NLRP14: variants seen among roughly 807,000 people sequenced by gnomAD.
NLRP14 encodes NACHT, LRR and PYD domains-containing protein 14.
In NLRP14, 105 loss-of-function variants were observed where a neutral mutation model predicts 94.7. That is an observed-to-expected ratio of 1.11 (90% CI 0.95 to 1.30). The LOEUF (loss-of-function observed/expected upper bound fraction) is 1.30, where lower values mean the gene tolerates loss of function less well. Ranked by LOEUF, NLRP14 falls within the 50% of genes most tolerant of loss-of-function variation. The probability of loss-of-function intolerance (pLI) is 0.00; values close to 1 mark genes in which losing one functional copy is unlikely to be tolerated. For synonymous variants in NLRP14, 508 were observed against 459.9 expected (o/e 1.10, Z -1.34); for missense variants, 1,362 against 1,254.1 (o/e 1.09, Z -1.30).
chr11:7,089,055 G>T, the NLRP14 span: 105 of 1,554,810 alleles, frequency 6.8e-5, no homozygotes, highest in Non-Finnish European at 9.1e-5. Context: ...GAGCGAGCTC[G>T]AAGGCTGCGA....
chr11:7,021,955 A>G (rs948507189), intron 1 of NLRP14, among the ~76,000 whole-genome samples: 4 of 146,570 alleles, frequency 2.7e-5, no homozygotes, highest in Non-Finnish European at 1.5e-5. Context: ...AAATTAAAAG[A>G]AAAAAAAAAA....
intron 1 of NLRP14, among the ~76,000 whole-genome samples, chr11:7,025,418 T>G (rs1436891573): frequency 6.6e-6 from 1 of 151,988 alleles, no homozygotes; most frequent in Non-Finnish European, 1.5e-5. Flanking sequence ...TTCAAGAAAG[T>G]ACTCCAAACA....
intron 10 of NLRP14, among the ~76,000 whole-genome samples, chr11:7,063,477 C>T (rs1411838425): frequency 6.6e-6 from 1 of 152,050 alleles, no homozygotes; most frequent in Non-Finnish European, 1.5e-5. Context: ...GTTTGTCCCT[C>T]AAGGTTGCTC....
At chr11:7,044,064 G>A (rs1486900321) in intron 4 of NLRP14, 80 bp downstream of exon 4, 1 of 1,358,022 alleles carries the variant, frequency 7.4e-7, no homozygotes, top group East Asian at 2.3e-5. Flanking sequence ...GAGGCGTTTA[G>A]CTGAGGTCCC....
At chr11:7,052,507 C>T (rs899083357) in intron 6 of NLRP14, among the ~76,000 whole-genome samples, 2 of 152,242 alleles carry the variant, frequency 1.3e-5, no homozygotes, top group South Asian at 2.1e-4. Flanking sequence ...GTGATGCGCA[C>T]CTGTAATCCC....
intron 10 of NLRP14, among the ~76,000 whole-genome samples, chr11:7,068,769 G>A (rs1036530521): frequency 6.6e-6 from 1 of 152,120 alleles, no homozygotes; most frequent in Admixed American, 6.6e-5. Flanking sequence ...AAGCCTCCCA[G>A]CCTCACGAGT....
the NLRP14 span, chr11:7,089,542 C>G: frequency 8.3e-7 from 1 of 1,203,858 alleles, no homozygotes; most frequent in Non-Finnish European, 1.0e-6. Flanking sequence ...GACCTGCGGC[C>G]CTCCAGGGCC....
At chr11:7,088,833 C>T in the NLRP14 span, among the ~76,000 whole-genome samples, 1 of 152,144 alleles carries the variant, frequency 6.6e-6, no homozygotes, top group African/African-American at 2.4e-5. Context: ...TTTCAGGAGG[C>T]CATTGAAGCC....
At chr11:7,022,580 G>C (rs1400599469) in intron 1 of NLRP14, among the ~76,000 whole-genome samples, 1 of 152,136 alleles carries the variant, frequency 6.6e-6, no homozygotes, top group Non-Finnish European at 1.5e-5. Context: ...AAAACTTGGT[G>C]GTTTTCTCTT....
intron 9 of NLRP14, among the ~76,000 whole-genome samples, chr11:7,062,029 G>A (rs1181466707): frequency 6.6e-6 from 1 of 151,892 alleles, no homozygotes; most frequent in Non-Finnish European, 1.5e-5. Context: ...AGATCTATTA[G>A]TTCCTTGGGA....
At chr11:7,067,189 T>C (rs866619004) in intron 10 of NLRP14, among the ~76,000 whole-genome samples, 2 of 152,182 alleles carry the variant, frequency 1.3e-5, no homozygotes, top group South Asian at 4.1e-4. Flanking sequence ...ATACGGGCTC[T>C]TTTTTGGTTC....
At chr11:7,089,297 C>T in the NLRP14 span, 2 of 1,606,476 alleles carry the variant, frequency 1.2e-6, no homozygotes, top group Non-Finnish European at 8.5e-7. Context: ...TTGAAAGCCC[C>T]GCAGACGCCA....
At chr11:7,082,570 A>C in the NLRP14 span, among the ~76,000 whole-genome samples, 1 of 152,210 alleles carries the variant, frequency 6.6e-6, no homozygotes, top group Admixed American at 6.5e-5. Flanking sequence ...AGTAAAAGAT[A>C]ATAACATCTT....
In NLRP14 at chr11:7,070,415, TAA is replaced by T. The variant is rs533614583; in HGVS notation, c.3107_3108del (p.Lys1036SerfsTer6). On this transcript the variant is annotated frameshift_variant, in exon 11 of 12. Transcript: ENST00000299481. LOFTEE classifies it low-confidence loss of function (END_TRUNC). The stretch of plus-strand genomic sequence containing the variant: ...GATATGAAGGAATTGTGAAGTTATA[TAA>T]AGTCTTGAAGTCTCCTAAGTGTAAA... ...LGYEGIVKLY[K>X]VLKSPKCKLQ... 233 of 1,611,872 alleles carry T rather than the reference TAA, an allele frequency of 1.4e-4. 5 individuals are homozygous for T. The South Asian group carries it at 2.4e-3, about 16-fold the overall frequency.
intron 1 of NLRP14, among the ~76,000 whole-genome samples, chr11:7,021,343 G>T (rs1851930579): frequency 6.6e-6 from 1 of 152,228 alleles, no homozygotes; most frequent in South Asian, 2.1e-4. Flanking sequence ...TTACAGTTTG[G>T]TGTTTAGCAG....
chr11:7,050,693 C>T (rs768816053), intron 6 of NLRP14, among the ~76,000 whole-genome samples: 12 of 152,086 alleles, frequency 7.9e-5, no homozygotes, highest in Non-Finnish European at 1.3e-4. Flanking sequence ...CTTTCTTTGA[C>T]GTTTTAAAAA....
At chr11:7,035,514 T>C (rs1175050363) in intron 1 of NLRP14, among the ~76,000 whole-genome samples, 1 of 152,178 alleles carries the variant, frequency 6.6e-6, no homozygotes, top group Non-Finnish European at 1.5e-5. Flanking sequence ...CTCAACATCA[T>C]ATAACGCACG....
intron 1 of NLRP14, among the ~76,000 whole-genome samples, chr11:7,033,122 G>T (rs1852119577): frequency 1.3e-5 from 2 of 152,158 alleles, no homozygotes; most frequent in Non-Finnish European, 2.9e-5. Flanking sequence ...GGATTTCATT[G>T]TACGAATTTA....
At chr11:7,055,089 C>A (rs1481316862) in intron 6 of NLRP14, among the ~76,000 whole-genome samples, 4 of 152,052 alleles carry the variant, frequency 2.6e-5, no homozygotes, top group African/African-American at 4.8e-5. Context: ...GTTCTTGGCA[C>A]CTTTGTCGAA....
Sources: allele counts gnomAD v4.1 joint callset (sites outside exome capture counted in the v4.1 genomes callset), GRCh38; gene constraint gnomAD v4.1.1; transcripts MANE v1.5; gene names NCBI Gene and HGNC (gene_info 2026-07-23, HGNC 2026-07-21).